SORCS1: variants seen among roughly 807,000 people sequenced by gnomAD.
SORCS1 encodes VPS10 domain-containing receptor SorCS1.
In SORCS1, 60 loss-of-function variants were observed where a neutral mutation model predicts 146.1. The ratio of observed to expected loss-of-function variants is 0.41; its 90% confidence interval spans 0.33 to 0.51. The LOEUF (loss-of-function observed/expected upper bound fraction) is 0.51, where lower values mean the gene tolerates loss of function less well. Among genes scored for constraint, SORCS1 ranks in the 20% least tolerant of loss-of-function variants. The pLI, the probability that SORCS1 is intolerant of heterozygous loss-of-function variation, is 0.21. For synonymous variants in SORCS1, 637 were observed against 584.0 expected (o/e 1.09, Z -1.31); for missense variants, 1,352 against 1,487.6 (o/e 0.91, Z 1.50).
At chr10:106,625,730 A>G (rs1457185909) in intron 19 of SORCS1, among the ~76,000 whole-genome samples, 1 of 152,238 alleles carries the variant, frequency 6.6e-6, no homozygotes, top group African/African-American at 2.4e-5. Context: ...TAAGGGAAGC[A>G]GTTTAGGAAG....
At chr10:107,064,838 A>G (rs1366019978) in intron 1 of SORCS1, among the ~76,000 whole-genome samples, 1 of 152,214 alleles carries the variant, frequency 6.6e-6, no homozygotes, top group Non-Finnish European at 1.5e-5. Context: ...TATGATCTCC[A>G]TCCATCTTCA....
At chr10:106,682,145 A>C (rs1313248980) in intron 10 of SORCS1, among the ~76,000 whole-genome samples, 1 of 152,148 alleles carries the variant, frequency 6.6e-6, no homozygotes, top group African/African-American at 2.4e-5. Context: ...AAACCAAAAC[A>C]AAAACAAACA....
chr10:106,623,887 T>C (rs780738966), intron 19 of SORCS1, among the ~76,000 whole-genome samples: 6 of 152,084 alleles, frequency 3.9e-5, no homozygotes, highest in Non-Finnish European at 8.8e-5. Flanking sequence ...TTTCACCATG[T>C]TGGCCAGGCT....
intron 2 of SORCS1, among the ~76,000 whole-genome samples, chr10:106,915,696 G>C (rs1422468222): frequency 6.6e-6 from 1 of 152,172 alleles, no homozygotes; most frequent in African/African-American, 2.4e-5. Context: ...CTGAAAAAAA[G>C]CTGAAAACTG....
At chr10:107,070,919 TA>T (rs879456793) in intron 1 of SORCS1, among the ~76,000 whole-genome samples, 280 of 147,352 alleles carry the variant, frequency 1.9e-3, no homozygotes, top group Middle Eastern at 3.5e-3. Context: ...TAAGATATCT[TA>T]AAAAAAAAAA....
chr10:106,578,995 A>G, intron 25 of SORCS1: 1 of 1,504,556 alleles, frequency 6.6e-7, no homozygotes, highest in Non-Finnish European at 8.8e-7. Flanking sequence ...TGTTAGAGCA[A>G]AAGAAAGTGG....
chr10:106,701,131 T>C (rs529363510), intron 8 of SORCS1, among the ~76,000 whole-genome samples: 24 of 152,324 alleles, frequency 1.6e-4, no homozygotes, highest in Non-Finnish European at 2.6e-4. Context: ...CCTAATACAA[T>C]GTAAAGGCTA....
At chr10:106,728,433 G>A (rs1035169766) in intron 6 of SORCS1, among the ~76,000 whole-genome samples, 2 of 152,174 alleles carry the variant, frequency 1.3e-5, no homozygotes, top group African/African-American at 4.8e-5. Context: ...GCTCTGACCT[G>A]TTGAGCTCAT....
At chr10:106,839,629 T>A (rs74152247) in intron 2 of SORCS1, among the ~76,000 whole-genome samples, 6,350 of 152,288 alleles carry the variant, frequency 0.042, 405 homozygotes, top group African/African-American at 0.14. Flanking sequence ...ACAGCAGATG[T>A]TCAATGTAGA....
intron 2 of SORCS1, among the ~76,000 whole-genome samples, chr10:106,838,244 G>A (rs996914183): frequency 2.0e-5 from 3 of 152,194 alleles, no homozygotes; most frequent in Admixed American, 2.0e-4. Flanking sequence ...TGGTGACTCG[G>A]TTCTATGCCC....
At chr10:107,025,835 G>A (rs1365538659) in intron 1 of SORCS1, among the ~76,000 whole-genome samples, 1 of 152,162 alleles carries the variant, frequency 6.6e-6, no homozygotes, top group Non-Finnish European at 1.5e-5. Context: ...ATCTGACAAC[G>A]GCAGTCAGCA....
At chr10:106,611,455 G>T (rs1487374293) in intron 22 of SORCS1, among the ~76,000 whole-genome samples, 1 of 152,196 alleles carries the variant, frequency 6.6e-6, no homozygotes, top group African/African-American at 2.4e-5. Context: ...AATGCTCACT[G>T]CACTGTTATG....
At chr10:106,933,622 C>T (rs534505324) in intron 2 of SORCS1, among the ~76,000 whole-genome samples, 2 of 152,260 alleles carry the variant, frequency 1.3e-5, no homozygotes, top group East Asian at 3.9e-4. Flanking sequence ...TCTGAACAGA[C>T]AGTTGTATCC....
chr10:106,651,325 C>T (rs892720528), intron 18 of SORCS1, among the ~76,000 whole-genome samples: 3 of 152,188 alleles, frequency 2.0e-5, no homozygotes, highest in African/African-American at 7.2e-5. Flanking sequence ...TCCGACTTCT[C>T]TATACCCCAG....
At chr10:106,900,595 A>G (rs1951662761) in intron 2 of SORCS1, among the ~76,000 whole-genome samples, 1 of 152,154 alleles carries the variant, frequency 6.6e-6, no homozygotes, top group African/African-American at 2.4e-5. Context: ...CAGTGAGATT[A>G]AGCTTCAATC....
intron 6 of SORCS1, among the ~76,000 whole-genome samples, chr10:106,729,323 T>A (rs142737680): frequency 0.017 from 2,612 of 152,328 alleles, 38 homozygotes; most frequent in Non-Finnish European, 0.025. Context: ...TGTAGTCCTG[T>A]CCTTCACTGC....
At chr10:106,949,650 C>CA (rs1329417962) in intron 2 of SORCS1, among the ~76,000 whole-genome samples, 2 of 152,184 alleles carry the variant, frequency 1.3e-5, no homozygotes, top group Non-Finnish European at 2.9e-5. Context: ...AAAAGCCTAA[C>CA]ACATTCTCTC....
intron 1 of SORCS1, among the ~76,000 whole-genome samples, chr10:107,045,950 T>A (rs1232950302): frequency 6.6e-6 from 1 of 151,570 alleles, no homozygotes; most frequent in Middle Eastern, 3.2e-3. Flanking sequence ...ATGCCTAATT[T>A]TTTTTTTTCT....
intron 5 of SORCS1, among the ~76,000 whole-genome samples, chr10:106,753,393 G>A (rs1016885016): frequency 1.3e-5 from 2 of 152,124 alleles, no homozygotes; most frequent in African/African-American, 4.8e-5. Context: ...GAAGGAGGAA[G>A]AGGAATGGCC....
Sources: gnomAD v4.1 joint callset for allele counts (sites outside exome capture counted in the v4.1 genomes callset) on GRCh38, gnomAD v4.1.1 for gene constraint, MANE v1.5 for transcripts, NCBI Gene and HGNC (gene_info 2026-07-23, HGNC 2026-07-21) for gene names.